LHFPL3: variants seen among roughly 807,000 people sequenced by gnomAD.
LHFPL3 encodes LHFPL tetraspan subfamily member 3 protein.
In LHFPL3, 5 loss-of-function variants were observed where a neutral mutation model predicts 19.3. That is an observed-to-expected ratio of 0.26 (90% CI 0.14 to 0.54). LHFPL3 has a LOEUF of 0.54. Ranked by LOEUF, LHFPL3 falls within the 20% of genes least tolerant of loss-of-function variation. The pLI is 0.94. For synonymous variants in LHFPL3, 133 were observed against 126.2 expected (o/e 1.05, Z -0.36); for missense variants, 249 against 307.4 (o/e 0.81, Z 1.42).
At chr7:104,435,344 T>C (rs1481014726) in intron 1 of LHFPL3, among the ~76,000 whole-genome samples, 1 of 151,954 alleles carries the variant, frequency 6.6e-6, no homozygotes, top group Non-Finnish European at 1.5e-5. Flanking sequence ...AGACACTGGG[T>C]CTTGCCAGGC....
intron 1 of LHFPL3, among the ~76,000 whole-genome samples, chr7:104,572,375 G>C (rs1340826972): frequency 2.0e-5 from 3 of 152,168 alleles, no homozygotes; most frequent in Non-Finnish European, 2.9e-5. Flanking sequence ...ATTTAGGCGA[G>C]GTAAATGATC....
In LHFPL3 at chr7:104,518,822, G is replaced by A. The variant is rs533596914; in HGVS notation, c.445+189598G>A. On this transcript the variant is annotated intron_variant, in intron 1 of 2. Coordinates refer to ENST00000424859, the MANE Select transcript of LHFPL3 (RefSeq NM_199000.3). The stretch of plus-strand genomic sequence containing the variant: ...TGATAGATAGATAGATAGATAGATA[G>A]ATAGATAGATAGATAGATAGATAGA... 8.0e-3 allele frequency among the ~76,000 whole-genome samples: 1,213 copies of A among 150,880 alleles called. 16 individuals are homozygous for A. Among genetic ancestry groups the A allele is most frequent in the African/African-American group, 0.028 (1,124 of 40,510 alleles).
intron 2 of LHFPL3, among the ~76,000 whole-genome samples, chr7:104,896,801 C>G (rs541774991): frequency 1.3e-4 from 20 of 152,084 alleles, no homozygotes; most frequent in African/African-American, 4.1e-4. Context: ...AAGTTTTAAG[C>G]TGGGCTGGGC....
At position 104,595,333 on chromosome 7, in the gene LHFPL3, C is replaced by T. The variant is rs192751900; in HGVS notation, c.446-141342C>T. Among the ~76,000 whole-genome samples the T allele has an allele frequency of 8.5e-5, 13 of 152,290 alleles. No individual in the cohort carries two copies. The East Asian group carries it at 2.5e-3, about 29-fold the overall frequency. On this transcript the variant is annotated intron_variant, in intron 1 of 2. Coordinates refer to ENST00000424859, the MANE Select transcript of LHFPL3 (RefSeq NM_199000.3). The stretch of plus-strand genomic sequence containing the variant: ...AGGTCTGTTGGAGTTTGCTGGAGTT[C>T]CACTCCAGACCCTGTTTGCCTGGGT...
chr7:104,876,146 CTTAAATG>C (rs2116671104), intron 2 of LHFPL3, among the ~76,000 whole-genome samples: 1 of 152,294 alleles, frequency 6.6e-6, no homozygotes, highest in African/African-American at 2.4e-5. Flanking sequence ...GGATTAAAGA[CTTAAATG>C]TTAGACCTAA....
chr7:104,627,732 G>A (rs938799498), intron 1 of LHFPL3, among the ~76,000 whole-genome samples: 19 of 152,256 alleles, frequency 1.2e-4, no homozygotes, highest in African/African-American at 4.3e-4. Flanking sequence ...TAGAGGTTCA[G>A]CACCGGGGAC....
At chr7:104,879,807 A>G (rs1075229) in intron 2 of LHFPL3, among the ~76,000 whole-genome samples, 43,382 of 152,230 alleles carry the variant, frequency 0.28, 6,305 homozygotes, top group South Asian at 0.35. Context: ...GCTACACCAA[A>G]TAACAGATTT....
chr7:104,349,441 T>C (rs1363131128), intron 1 of LHFPL3, among the ~76,000 whole-genome samples: 1 of 152,232 alleles, frequency 6.6e-6, no homozygotes, highest in East Asian at 1.9e-4. Flanking sequence ...AATTATTCTG[T>C]ATAATAAACC....
chr7:104,647,386 G>T (rs1380966559), intron 1 of LHFPL3, among the ~76,000 whole-genome samples: 1 of 152,190 alleles, frequency 6.6e-6, no homozygotes, highest in African/African-American at 2.4e-5. Context: ...ACTGAGAAAA[G>T]TATTCATCCA....
At chr7:104,727,887 G>A (rs1371049022) in intron 1 of LHFPL3, among the ~76,000 whole-genome samples, 2 of 152,080 alleles carry the variant, frequency 1.3e-5, no homozygotes, top group Non-Finnish European at 2.9e-5. Flanking sequence ...AAAAGATTTT[G>A]GCTTGATGAT....
intron 2 of LHFPL3, among the ~76,000 whole-genome samples, chr7:104,818,862 C>CT (rs1452449089): frequency 1.3e-5 from 2 of 151,858 alleles, no homozygotes; most frequent in Non-Finnish European, 2.9e-5. Flanking sequence ...GAGATTTAAT[C>CT]TTTAACTATT....
At chr7:104,676,558 T>C (rs1360634709) in intron 1 of LHFPL3, among the ~76,000 whole-genome samples, 3 of 152,224 alleles carry the variant, frequency 2.0e-5, no homozygotes, top group African/African-American at 4.8e-5. Context: ...TGGTAGATAA[T>C]ATTTTATCAG....
chr7:104,867,247 A>G (rs1791743659), intron 2 of LHFPL3, among the ~76,000 whole-genome samples: 1 of 152,244 alleles, frequency 6.6e-6, no homozygotes, highest in African/African-American at 2.4e-5. Flanking sequence ...TCAAGGAGAT[A>G]GAGACACAAA....
At position 104,366,651 on chromosome 7, in the gene LHFPL3, G is replaced by A. The variant is rs1439905933; in HGVS notation, c.445+37427G>A. On this transcript the variant is annotated intron_variant, in intron 1 of 2. Transcript: ENST00000424859. ...GTAATTTCCCTAACTGTTGCCAGCT[G>A]TGCCTCCCACTTCTATAGGATGGGT... Among the ~76,000 whole-genome samples the A allele has an allele frequency of 2.0e-5, 3 of 152,176 alleles. No individual in the cohort carries two copies. In the South Asian group the frequency reaches 6.2e-4, roughly 31 times the overall value.
At chr7:104,405,823 G>A (rs556728802) in intron 1 of LHFPL3, among the ~76,000 whole-genome samples, 1 of 152,222 alleles carries the variant, frequency 6.6e-6, no homozygotes, top group South Asian at 2.1e-4. Context: ...GGTATTAATT[G>A]TTTATGTTAG....
intron 2 of LHFPL3, among the ~76,000 whole-genome samples, chr7:104,896,470 CTG>C (rs1792363253): frequency 6.6e-6 from 1 of 152,270 alleles, no homozygotes; most frequent in Admixed American, 6.5e-5. Flanking sequence ...TAACGGATGA[CTG>C]GGGCAAAACA....
chr7:104,762,254 C>T (rs996932682), intron 2 of LHFPL3, among the ~76,000 whole-genome samples: 1 of 152,020 alleles, frequency 6.6e-6, no homozygotes, highest in Non-Finnish European at 1.5e-5. Flanking sequence ...GACTCAACTA[C>T]AAGTGACGAG....
At chr7:104,349,398 A>G (rs1235906149) in intron 1 of LHFPL3, among the ~76,000 whole-genome samples, 1 of 152,222 alleles carries the variant, frequency 6.6e-6, no homozygotes, top group African/African-American at 2.4e-5. Context: ...TGTAGAGTAG[A>G]TATTGAAAGC....
chr7:104,720,616 G>A (rs1468346331), intron 1 of LHFPL3, among the ~76,000 whole-genome samples: 2 of 152,062 alleles, frequency 1.3e-5, no homozygotes, highest in African/African-American at 4.8e-5. Flanking sequence ...CCTACAGAAT[G>A]GGAGAAAAAT....
Sources: gnomAD v4.1 joint callset for allele counts (sites outside exome capture counted in the v4.1 genomes callset) on GRCh38, gnomAD v4.1.1 for gene constraint, MANE v1.5 for transcripts, NCBI Gene and HGNC (gene_info 2026-07-23, HGNC 2026-07-21) for gene names.